Variants in LRP12 observed in about 807,000 individuals in gnomAD.
LRP12 encodes LDL receptor related protein 12, also known as low-density lipoprotein receptor-related protein 12.
Under a neutral mutation model 66.0 loss-of-function variants are expected in LRP12, and 14 were observed. The observed-to-expected ratio is 0.21, with a 90% confidence interval of 0.14 to 0.33. The LOEUF (loss-of-function observed/expected upper bound fraction) is 0.33, where lower values mean the gene tolerates loss of function less well. LRP12 is among the 10% of genes least tolerant of loss of function. LRP12 has a pLI of 1.00. For synonymous variants in LRP12, 357 were observed against 359.1 expected (o/e 0.99, Z 0.07); for missense variants, 889 against 1,053.4 (o/e 0.84, Z 2.16).
chr8:104,547,663 A>AATT (rs1811611711), intron 1 of LRP12, among the ~76,000 whole-genome samples: 6 of 118,620 alleles, frequency 5.1e-5, no homozygotes, highest in Admixed American at 4.7e-4. Context: ...ATATAATATA[A>AATT]TTCTATATTA....
chr8:104,509,200 G>A, intron 2 of LRP12, 126 bp from the exon 3 acceptor site: 1 of 688,096 alleles, frequency 1.5e-6, no homozygotes, highest in Non-Finnish European at 2.3e-6. Flanking sequence ...AGATATGGTA[G>A]TATCAACTTT....
At chr8:104,503,756 C>G (rs1810866554) in intron 3 of LRP12, among the ~76,000 whole-genome samples, 1 of 152,242 alleles carries the variant, frequency 6.6e-6, no homozygotes, top group African/African-American at 2.4e-5. Flanking sequence ...CTTTAGACTG[C>G]TTAAAACAAA....
chr8:104,544,926 T>C (rs956885884), intron 1 of LRP12, among the ~76,000 whole-genome samples: 6 of 152,202 alleles, frequency 3.9e-5, no homozygotes, highest in Admixed American at 3.3e-4. Flanking sequence ...TGTAAGGCTA[T>C]GGCTGCCACA....
chr8:104,534,737 C>T (rs1811370990), intron 1 of LRP12, among the ~76,000 whole-genome samples: 1 of 151,882 alleles, frequency 6.6e-6, no homozygotes, highest in Non-Finnish European at 1.5e-5. Flanking sequence ...TGCTTCTGAA[C>T]ATCACTTGAA....
intron 1 of LRP12, among the ~76,000 whole-genome samples, chr8:104,572,966 A>G (rs1446318287): frequency 6.6e-6 from 1 of 152,234 alleles, no homozygotes; most frequent in East Asian, 1.9e-4. Context: ...ACCCACACAA[A>G]GCAATCAAAT....
rs745325808 is a variant in LRP12 at position 104,491,176 on chromosome 8, C to T, written c.2077G>A (p.Ala693Thr). 1 of 1,614,090 alleles carries T rather than the reference C, an allele frequency of 6.2e-7. No individual in the cohort carries two copies. Among genetic ancestry groups the T allele is most frequent in the South Asian group, 1.1e-5 (1 of 91,070 alleles). Residue 693 changes from alanine (A) to threonine (T), a missense_variant, in exon 7 of 7, where the codon GCA becomes ACA. By Grantham distance (58) the Ala-to-Thr change is moderately conservative (BLOSUM62 0). Coordinates refer to ENST00000276654, the MANE Select transcript of LRP12 (RefSeq NM_013437.5). The part of the protein sequence containing the change: ...TAVEATVGAC[A>T]SSSTQSTRGG... ...CGGGTACTCTGAGTTGAGGAACTTG[C>T]ACATGCTCCTACTGTCGCTTCTACT...
intron 1 of LRP12, among the ~76,000 whole-genome samples, chr8:104,555,939 A>G (rs73295168): frequency 0.017 from 2,579 of 152,298 alleles, 73 homozygotes; most frequent in African/African-American, 0.058. Context: ...AATTTAAGAA[A>G]ATAAAAATTA....
At chr8:104,495,251 C>CGAA (rs1564128445) in intron 5 of LRP12, 42 bp from the exon 6 acceptor site, 1 of 1,578,164 alleles carries the variant, frequency 6.3e-7, no homozygotes, top group South Asian at 1.2e-5. Context: ...AAAGGGGGAG[C>CGAA]GAAGAAAAAG....
chr8:104,574,675 A>G (rs1356767182), intron 1 of LRP12, among the ~76,000 whole-genome samples: 1 of 152,216 alleles, frequency 6.6e-6, no homozygotes, highest in Non-Finnish European at 1.5e-5. Context: ...GTAAGTATAA[A>G]ATTTACAACG....
intron 2 of LRP12, among the ~76,000 whole-genome samples, chr8:104,519,085 G>T (rs7829983): frequency 6.6e-6 from 1 of 151,964 alleles, no homozygotes; most frequent in Non-Finnish European, 1.5e-5. Context: ...GGAAACACAC[G>T]CCCACAGCTA....
At chr8:104,549,988 C>T (rs910946207) in intron 1 of LRP12, among the ~76,000 whole-genome samples, 4 of 152,150 alleles carry the variant, frequency 2.6e-5, no homozygotes, top group Admixed American at 6.5e-5. Flanking sequence ...CTGTTCTCAG[C>T]ATACATGTTC....
At chr8:104,495,233 A>G (rs1810705866) in intron 5 of LRP12, 24 bp from the exon 6 acceptor site, 1 of 1,600,564 alleles carries the variant, frequency 6.2e-7, no homozygotes, top group African/African-American at 1.3e-5. Flanking sequence ...TGGAAAGAAA[A>G]ATGATTAAAA....
chr8:104,583,681 G>T (rs781064166), intron 1 of LRP12, among the ~76,000 whole-genome samples: 4 of 152,142 alleles, frequency 2.6e-5, no homozygotes, highest in Non-Finnish European at 4.4e-5. Flanking sequence ...GACAGCCAGG[G>T]TTAGGCTACA....
intron 3 of LRP12, among the ~76,000 whole-genome samples, chr8:104,500,240 A>G (rs1810804858): frequency 6.6e-6 from 1 of 152,230 alleles, no homozygotes; most frequent in Non-Finnish European, 1.5e-5. Context: ...TGCCTCACCA[A>G]AAAGTAAAGA....
chr8:104,528,713 C>T (rs575372455), intron 2 of LRP12, among the ~76,000 whole-genome samples: 1 of 151,400 alleles, frequency 6.6e-6, no homozygotes, highest in Admixed American at 6.6e-5. Flanking sequence ...AGGCAGCGGT[C>T]GTAGTGAACT....
chr8:104,548,359 T>TATA lies in LRP12; in HGVS notation c.80-16397_80-16396insTAT, dbSNP rs1811659474. On this transcript the variant is annotated intron_variant, in intron 1 of 6. Coordinates refer to ENST00000276654, the MANE Select transcript of LRP12 (RefSeq NM_013437.5). ...TATAAATATATAAATATATAATATA[T>TATA]ATTATATAAATATATTATATAAATA... Among the ~76,000 whole-genome samples the TATA allele has an allele frequency of 1.0e-4, 5 of 48,706 alleles. 1 individual carries two copies. Among genetic ancestry groups the TATA allele is most frequent in the Admixed American group, 9.5e-4 (3 of 3,168 alleles). The allele number at this position is 48,706 out of a possible 152,430, so 32.0% of individuals were successfully genotyped here.
intron 1 of LRP12, among the ~76,000 whole-genome samples, chr8:104,571,711 T>G (rs1033890500): frequency 6.6e-6 from 1 of 152,226 alleles, no homozygotes; most frequent in Non-Finnish European, 1.5e-5. Context: ...AACAGACTAA[T>G]GCACCACCTG....
intron 1 of LRP12, among the ~76,000 whole-genome samples, chr8:104,553,492 C>A (rs553418222): frequency 1.3e-5 from 2 of 152,110 alleles, no homozygotes; most frequent in Non-Finnish European, 2.9e-5. Context: ...CCCTGGCGAC[C>A]TGTATGATAC....
At chr8:104,552,847 G>A (rs1191727066) in intron 1 of LRP12, among the ~76,000 whole-genome samples, 1 of 152,110 alleles carries the variant, frequency 6.6e-6, no homozygotes, top group Non-Finnish European at 1.5e-5. Flanking sequence ...AGAAAGCCTA[G>A]AGAATCCACA....
Sources: gnomAD v4.1 joint callset for allele counts (sites outside exome capture counted in the v4.1 genomes callset) on GRCh38, gnomAD v4.1.1 for gene constraint, MANE v1.5 for transcripts, NCBI Gene and HGNC (gene_info 2026-07-23, HGNC 2026-07-21) for gene names.